The following CYTH1 variants were observed in gnomAD, a reference collection of about 807,000 sequenced individuals.
CYTH1 encodes cytohesin-1.
Under a neutral mutation model 61.8 loss-of-function variants are expected in CYTH1, and 18 were observed. That is an observed-to-expected ratio of 0.29 (90% CI 0.20 to 0.43). CYTH1 has a LOEUF of 0.43. CYTH1 is among the 20% of genes least tolerant of loss of function. CYTH1 has a pLI of 1.00. For missense variants in CYTH1, 336 were observed against 510.5 expected (o/e 0.66, Z 3.29); for synonymous variants, 174 against 184.3 (o/e 0.94, Z 0.45).
Position 78,698,160 on chromosome 17 carries a change from C to T in CYTH1, c.811+109G>A, listed in dbSNP as rs1204885232. ...ACACACACGCACGCGCACACATGCACACGCACAAACACGCACACGCGCACA... is the reference window on the plus strand; with the variant it reads ...ACACACACGCACGCGCACACATGCATACGCACAAACACGCACACGCGCACA... On this transcript the variant is annotated intron_variant, in intron 9 of 13. Coordinates refer to ENST00000446868, the MANE Select transcript of CYTH1 (RefSeq NM_004762.6). The T allele has an allele frequency of 6.7e-6, 6 of 901,692 alleles. No individual in the cohort carries two copies. In the East Asian group the frequency reaches 1.5e-4, roughly 22 times the overall value. The allele number at this position is 901,692 out of a possible 1,614,324, so 55.9% of individuals were successfully genotyped here.
At chr17:78,754,358 T>C (rs559717178) in intron 1 of CYTH1, among the ~76,000 whole-genome samples, 5 of 152,152 alleles carry the variant, frequency 3.3e-5, no homozygotes, top group Admixed American at 6.6e-5. Flanking sequence ...TCTTTTTTTT[T>C]TCTGAGACAG....
chr17:78,750,137 A>G (rs1001607341), intron 1 of CYTH1, among the ~76,000 whole-genome samples: 1 of 152,200 alleles, frequency 6.6e-6, no homozygotes, highest in African/African-American at 2.4e-5. Context: ...CAAGTAATTC[A>G]GTGGCCTCCA....
At chr17:78,722,467 C>A (rs1438995163) in intron 1 of CYTH1, among the ~76,000 whole-genome samples, 1 of 152,166 alleles carries the variant, frequency 6.6e-6, no homozygotes, top group East Asian at 1.9e-4. Context: ...TCCAAACAAG[C>A]CAAAACAGCT....
chr17:78,758,829 T>A (rs1448091112), intron 1 of CYTH1, among the ~76,000 whole-genome samples: 1 of 152,198 alleles, frequency 6.6e-6, no homozygotes. Context: ...GGGCCCATCA[T>A]GTCACCCCAC....
At chr17:78,711,311 AT>A (rs1286797336) in intron 1 of CYTH1, among the ~76,000 whole-genome samples, 1 of 144,074 alleles carries the variant, frequency 6.9e-6, no homozygotes, top group African/African-American at 2.8e-5. Context: ...TAATATATAT[AT>A]ATACACACAC....
intron 1 of CYTH1, among the ~76,000 whole-genome samples, chr17:78,722,819 C>T (rs776934873): frequency 6.6e-6 from 1 of 152,140 alleles, no homozygotes; most frequent in Non-Finnish European, 1.5e-5. Context: ...ACTACTCGTG[C>T]CCAGGAAAGG....
chr17:78,685,489 A>T (rs1312216600), intron 11 of CYTH1, among the ~76,000 whole-genome samples: 1 of 152,220 alleles, frequency 6.6e-6, no homozygotes, highest in East Asian at 1.9e-4. Context: ...TTTAGCTATT[A>T]CTTCTATATG....
intron 1 of CYTH1, among the ~76,000 whole-genome samples, chr17:78,724,646 A>T (rs1226182174): frequency 1.3e-5 from 2 of 152,218 alleles, no homozygotes; most frequent in Non-Finnish European, 2.9e-5. Context: ...GTTAAGAACC[A>T]TTGCTCTAGA....
intron 10 of CYTH1, among the ~76,000 whole-genome samples, chr17:78,693,978 A>G (rs570730839): frequency 6.6e-6 from 1 of 152,328 alleles, no homozygotes; most frequent in East Asian, 1.9e-4. Flanking sequence ...CATACCTCCG[A>G]TCATGCTTTC....
intron 1 of CYTH1, among the ~76,000 whole-genome samples, chr17:78,744,845 CAAAAAAA>C (rs3038702): frequency 3.1e-5 from 3 of 98,156 alleles, no homozygotes; most frequent in African/African-American, 7.0e-5. Context: ...GATTAGATGT[CAAAAAAA>C]AAAAAAAAAA....
chr17:78,698,997 C>A, intron 7 of CYTH1, 29 bp from the exon 8 acceptor site: 1 of 1,603,644 alleles, frequency 6.2e-7, no homozygotes. Context: ...CAAAGGGGAG[C>A]CGTTGCATGC....
At chr17:78,688,307 A>G (rs553372634) in intron 11 of CYTH1, among the ~76,000 whole-genome samples, 1 of 152,374 alleles carries the variant, frequency 6.6e-6, no homozygotes, top group South Asian at 2.1e-4. Context: ...TAAAGCACAC[A>G]TAACATATCC....
intron 2 of CYTH1, among the ~76,000 whole-genome samples, chr17:78,708,548 A>C (rs1373806014): frequency 1.3e-5 from 2 of 152,228 alleles, no homozygotes; most frequent in East Asian, 3.8e-4. Flanking sequence ...ATGCTGTGTG[A>C]AAAACAAAAC....
At position 78,700,259 on chromosome 17, in the gene CYTH1, A is replaced by G; in HGVS notation, c.550+72T>C. On this transcript the variant is annotated intron_variant, in intron 7 of 13. Coordinates refer to ENST00000446868, the MANE Select transcript of CYTH1 (RefSeq NM_004762.6). The surrounding 1 kb of genome is among the most constrained non-coding windows in gnomAD (Gnocchi z 5.1). ...TGAATCTCAGCCCTTTTGTTTTAGA[A>G]ATTATCTGGTGCCAAGAAAATAATC... 7.5e-7 allele frequency: 1 copy of G among 1,339,556 alleles called. No homozygotes were observed. Among genetic ancestry groups the G allele is most frequent in the South Asian group, 1.4e-5 (1 of 70,320 alleles). The allele number at this position is 1,339,556 out of a possible 1,614,324, so 83.0% of individuals were successfully genotyped here. A position where few individuals can be genotyped will look rare whatever the true frequency, so the allele number is the denominator to read the frequency against.
rs747884437 is a variant in CYTH1, at chr17:78,692,417, C to T, written c.891G>A (p.Thr297=). ...TGGAGGCCGACTAGCAGGTGCTCAC[C>T]GTGGTATACTCAAAGTAGTAAAGGC... ...DNCLYYFEYT[T]DKEPRGIIPL... is the part of the protein sequence containing the mutation. Residue 297 remains threonine, a splice_region_variant and synonymous_variant, in exon 11 of 14, where the codon ACG becomes ACA. Coordinates refer to ENST00000446868, the MANE Select transcript of CYTH1 (RefSeq NM_004762.6). 6 of 1,613,920 alleles carry T rather than the reference C, an allele frequency of 3.7e-6. No individual in the cohort carries two copies. The highest frequency in any genetic ancestry group is 1.7e-6 in the Non-Finnish European group (2 of 1,180,012).
chr17:78,782,211 C>A lies in CYTH1; in HGVS notation c.13G>T (p.Asp5Tyr). MEED[D>Y]SYVPSDLTAE... ...GCCGGGGCGCACTGACCGTAGCTGT[C>A]GTCCTCCTCCATGGTGCGGGAGCCG... The change falls in exon 1 of 14, where the codon GAC becomes TAC. Residue 5 changes from aspartate (D) to tyrosine (Y), a missense_variant. Coordinates refer to ENST00000446868, the MANE Select transcript of CYTH1 (RefSeq NM_004762.6). The A allele has an allele frequency of 7.3e-7, 1 of 1,367,730 alleles. No homozygotes were observed. The highest frequency in any genetic ancestry group is 9.6e-7 in the Non-Finnish European group (1 of 1,045,552). 84.7% of individuals were successfully genotyped at this position (1,367,730 alleles called of 1,614,324 possible). A position where few individuals can be genotyped will look rare whatever the true frequency, so the allele number is the denominator to read the frequency against.
In CYTH1 at chr17:78,698,399, A is replaced by G. The variant is rs1341130025; in HGVS notation, c.700-19T>C. On this transcript the variant is annotated intron_variant, in intron 8 of 13. Coordinates refer to ENST00000446868, the MANE Select transcript of CYTH1 (RefSeq NM_004762.6). ...AGAGATTCTGGGATAAAAGATGACA[A>G]TTTATGTCTCTGATTCTAGAAATAT... 1 of 1,555,616 alleles carries G rather than the reference A, an allele frequency of 6.4e-7. No individual in the cohort carries two copies. Among genetic ancestry groups the G allele is most frequent in the East Asian group, 2.2e-5 (1 of 44,588 alleles).
chr17:78,751,824 T>C (rs1447557077), intron 1 of CYTH1, among the ~76,000 whole-genome samples: 2 of 152,230 alleles, frequency 1.3e-5, no homozygotes, highest in Admixed American at 1.3e-4. Context: ...TTTTGTTTTG[T>C]TTTGAGACGG....
chr17:78,686,619 T>G (rs1404084095), intron 11 of CYTH1, among the ~76,000 whole-genome samples: 2 of 152,140 alleles, frequency 1.3e-5, no homozygotes, highest in Non-Finnish European at 2.9e-5. Context: ...ATTGTAAGTA[T>G]CCAACGTCAG....
Sources: gnomAD v4.1 joint callset for allele counts (sites outside exome capture counted in the v4.1 genomes callset) on GRCh38, gnomAD v4.1.1 for gene constraint, Gnocchi (gnomAD v3.1) non-coding constraint, MANE v1.5 for transcripts, NCBI Gene and HGNC (gene_info 2026-07-23, HGNC 2026-07-21) for gene names.